The following CDKN2AIPNL variants were observed in gnomAD, a reference collection of about 807,000 sequenced individuals.
CDKN2AIPNL encodes the protein CDKN2AIP N-terminal-like protein.
Under a neutral mutation model 12.9 loss-of-function variants are expected in CDKN2AIPNL, and 9 were observed. The observed-to-expected ratio is 0.70, with a 90% CI of 0.42 to 1.22. The LOEUF (loss-of-function observed/expected upper bound fraction) is 1.22. Among genes scored for constraint, CDKN2AIPNL ranks in the 50% most tolerant of loss-of-function variants. The pLI is 0.00. For missense variants in CDKN2AIPNL, 143 were observed against 153.6 expected (o/e 0.93, Z 0.37); for synonymous variants, 53 against 61.7 (o/e 0.86, Z 0.66).
chr5:134,411,457 C>A (rs1310540223), intron 1 of CDKN2AIPNL, among the ~76,000 whole-genome samples, 159 bp downstream of exon 1: 1 of 152,184 alleles, frequency 6.6e-6, no homozygotes, highest in Non-Finnish European at 1.5e-5. Flanking sequence ...TTCCAAGGGG[C>A]CTCCAGGGTG....
chr5:134,408,709 A>G (rs73291731), intron 2 of CDKN2AIPNL, among the ~76,000 whole-genome samples: 22,238 of 151,756 alleles, frequency 0.15, 2,029 homozygotes, highest in African/African-American at 0.25. Flanking sequence ...AAACAAACAA[A>G]AACAAAAAAA....
Position 134,402,571 on chromosome 5 carries a change from A to G in CDKN2AIPNL, c.*344T>C, listed in dbSNP as rs930437037. 9.1e-6 allele frequency: 2 copies of G among 219,668 alleles called. No individual in the cohort carries two copies. The highest frequency in any genetic ancestry group is 4.6e-5 in the African/African-American group (2 of 43,912). The allele number at this position is 219,668 out of a possible 1,614,324, so 13.6% of individuals were successfully genotyped here. Reference sequence around the variant, plus strand: ...GAGTTCGAGGCTGCAATGAGCCAATACTGCACCTTTGTGCTTCTGCCTGGG... The same window carrying G: ...GAGTTCGAGGCTGCAATGAGCCAATGCTGCACCTTTGTGCTTCTGCCTGGG... On this transcript the variant is annotated 3_prime_UTR_variant, in exon 3 of 3. Coordinates refer to ENST00000458198, the MANE Select transcript of CDKN2AIPNL (RefSeq NM_080656.3).
chr5:134,407,256 A>AACACACACACACACACACACAC (rs5871539), intron 2 of CDKN2AIPNL, among the ~76,000 whole-genome samples: 2 of 139,610 alleles, frequency 1.4e-5, no homozygotes, highest in African/African-American at 2.7e-5. Context: ...GACCCTTCCT[A>AACACACACACACACACACACAC]ACACACACAC....
chr5:134,403,707 C>T (rs1759061352), intron 2 of CDKN2AIPNL, among the ~76,000 whole-genome samples: 1 of 152,158 alleles, frequency 6.6e-6, no homozygotes, highest in African/African-American at 2.4e-5. Context: ...TCACTGCAAC[C>T]TCTGCTGCCT....
chr5:134,408,462 G>A (rs1759139528), intron 2 of CDKN2AIPNL, among the ~76,000 whole-genome samples: 1 of 145,338 alleles, frequency 6.9e-6, no homozygotes, highest in Admixed American at 7.2e-5. Flanking sequence ...GAGGTCAGGA[G>A]ATCGAGACCA....
intron 2 of CDKN2AIPNL, among the ~76,000 whole-genome samples, chr5:134,404,990 G>A (rs1759081540): frequency 6.6e-6 from 1 of 150,820 alleles, no homozygotes; most frequent in South Asian, 2.1e-4. Context: ...TGCCATGTTG[G>A]CCAGGCTGGT....
rs200515669 is a variant in CDKN2AIPNL at position 134,409,943 on chromosome 5, T to C, written c.299A>G (p.Asp100Gly). The C allele has an allele frequency of 3.1e-6, 5 of 1,604,414 alleles. No individual in the cohort carries two copies. The highest frequency in any genetic ancestry group is 4.2e-6 in the Non-Finnish European group (5 of 1,176,648). Residue 100 changes from aspartate to glycine, a missense_variant, in exon 2 of 3, where the codon GAC (aspartate) becomes GGC (glycine). Physicochemically the swap from Asp to Gly is moderately conservative, Grantham distance 94 (BLOSUM62 -1). This residue lies in a region of CDKN2AIPNL where 111 missense variants were observed against 111.4 expected (regional missense o/e 1.00). Transcript: ENST00000458198. ...ACTTCTGGTAGTAAATTGTGGCAGGTCTTCCACTTCAATCCCATCGGCCAT... is the reference window on the plus strand; with the variant it reads ...ACTTCTGGTAGTAAATTGTGGCAGGCCTTCCACTTCAATCCCATCGGCCAT... ...MEMADGIEVE[D>G]LPQFTTRSEL... is the part of the protein sequence containing the mutation.
Position 134,406,031 on chromosome 5 carries a change from T to C in CDKN2AIPNL, c.340-3105A>G, listed in dbSNP as rs1198232328. Among the ~76,000 whole-genome samples, 3 of 152,184 alleles carry C rather than the reference T, an allele frequency of 2.0e-5. No individual in the cohort carries two copies. The East Asian group carries it at 5.8e-4, about 29-fold the overall frequency. ...TAATCAAGATTGTTTACTCAATGTA[T>C]GTGTGTTTGAATCCCCTTTCAAAAG... On this transcript the variant is annotated intron_variant, in intron 2 of 2. Coordinates refer to ENST00000458198, the MANE Select transcript of CDKN2AIPNL (RefSeq NM_080656.3).
rs1248161760 is a variant in CDKN2AIPNL, at chr5:134,403,037, A to G, written c.340-111T>C. The G allele has an allele frequency of 1.0e-5, 8 of 800,114 alleles. No individual in the cohort carries two copies. In the East Asian group the frequency reaches 2.2e-4, roughly 22 times the overall value. The allele number at this position is 800,114 out of a possible 1,614,324, so 49.6% of individuals were successfully genotyped here. ...TGTAATATTTATGTACTATCCAGAC[A>G]GTAAGTATACTCAGAAATTATTAAT... On this transcript the variant is annotated intron_variant, in intron 2 of 2. Coordinates refer to ENST00000458198, the MANE Select transcript of CDKN2AIPNL (RefSeq NM_080656.3).
At chr5:134,406,834 C>G (rs1009535974) in intron 2 of CDKN2AIPNL, among the ~76,000 whole-genome samples, 11 of 152,240 alleles carry the variant, frequency 7.2e-5, no homozygotes, top group African/African-American at 2.7e-4. Context: ...CAAGCCACTG[C>G]ACTCCAGCCT....
At chr5:134,409,762 T>C (rs1759162573) in intron 2 of CDKN2AIPNL, 141 bp downstream of exon 2, 5 of 520,546 alleles carry the variant, frequency 9.6e-6, no homozygotes, top group East Asian at 3.1e-5. Flanking sequence ...ATACCAATTA[T>C]GGGGAAATAA....
intron 1 of CDKN2AIPNL, 55 bp from the exon 2 acceptor site, chr5:134,410,057 TAATAAGAA>T: frequency 7.8e-7 from 1 of 1,283,736 alleles, no homozygotes; most frequent in Non-Finnish European, 1.1e-6. Flanking sequence ...CACTGTGGAT[TAATAAGAA>T]ACTGCAGGTT....
Position 134,411,804 on chromosome 5 carries a change from C to A in CDKN2AIPNL, c.51G>T (p.Val17=). The A allele has an allele frequency of 1.9e-6, 3 of 1,601,350 alleles. No homozygotes were observed. The highest frequency in any genetic ancestry group is 2.6e-6 in the Non-Finnish European group (3 of 1,175,040). Residue 17 remains valine (V), a synonymous_variant, in exon 1 of 3, where the codon GTG becomes GTT. Coordinates refer to ENST00000458198, the MANE Select transcript of CDKN2AIPNL (RefSeq NM_080656.3). ...GCTCCGCGAAGTCGGCCGCCTGCCG[C>A]ACCCCCGAAACCAGCTCCTCCACTG... is the stretch of plus-strand genomic sequence containing the variant. ...AAAVEELVSG[V]RQAADFAEQF...
chr5:134,407,031 G>A (rs1054675035), intron 2 of CDKN2AIPNL, among the ~76,000 whole-genome samples: 1 of 152,144 alleles, frequency 6.6e-6, no homozygotes, highest in African/African-American at 2.4e-5. Context: ...ATTCAAAAAT[G>A]CTATAGAAGT....
chr5:134,411,534 T>G (rs955990154), intron 1 of CDKN2AIPNL, 82 bp downstream of exon 1: 1 of 1,239,950 alleles, frequency 8.1e-7, no homozygotes, highest in Non-Finnish European at 1.1e-6. Context: ...GGGCAGAGGT[T>G]CGGGTCAGGG....
intron 2 of CDKN2AIPNL, among the ~76,000 whole-genome samples, chr5:134,406,463 A>G (rs1249935977): frequency 1.3e-5 from 2 of 152,236 alleles, no homozygotes; most frequent in Admixed American, 6.5e-5. Context: ...CAAAAACTGC[A>G]GGCAAAGGAT....
chr5:134,409,942 G>T lies in CDKN2AIPNL; in HGVS notation c.300C>A (p.Asp100Glu), dbSNP rs912013566. 1 of 1,612,184 alleles carries T rather than the reference G, an allele frequency of 6.2e-7. No individual in the cohort carries two copies. Among genetic ancestry groups the T allele is most frequent in the Non-Finnish European group, 8.5e-7 (1 of 1,179,598 alleles). The change falls in exon 2 of 3, where the codon GAC becomes GAA. Residue 100 changes from aspartate to glutamate, a missense_variant. Coordinates refer to ENST00000458198, the MANE Select transcript of CDKN2AIPNL (RefSeq NM_080656.3). ...CACTTCTGGTAGTAAATTGTGGCAG[G>T]TCTTCCACTTCAATCCCATCGGCCA... is the stretch of plus-strand genomic sequence containing the variant. ...MEMADGIEVEDLPQFTTRSEL... is the reference protein window; with the variant it reads ...MEMADGIEVEELPQFTTRSEL...
chr5:134,411,550 C>G (rs980103462), intron 1 of CDKN2AIPNL, 66 bp downstream of exon 1: 1 of 1,399,834 alleles, frequency 7.1e-7, no homozygotes. Context: ...CAGGGGTGAG[C>G]CCTGGGAGAG....
intron 2 of CDKN2AIPNL, among the ~76,000 whole-genome samples, chr5:134,404,382 G>A (rs535520366): frequency 5.9e-5 from 9 of 152,258 alleles, no homozygotes; most frequent in Middle Eastern, 3.4e-3. Flanking sequence ...GGAGTGCAGT[G>A]GTACGATCAT....
Sources: allele counts gnomAD v4.1 joint callset (sites outside exome capture counted in the v4.1 genomes callset), GRCh38; gene constraint gnomAD v4.1.1; regional missense constraint gnomAD v4.1.1; transcripts MANE v1.5; gene names NCBI Gene and HGNC (gene_info 2026-07-23, HGNC 2026-07-21).